STRA6: variants seen among roughly 807,000 people sequenced by gnomAD.
STRA6 encodes receptor for retinol uptake STRA6.
Under a neutral mutation model 83.6 loss-of-function variants are expected in STRA6, and 48 were observed. That is an observed-to-expected ratio of 0.57 (90% CI 0.46 to 0.73). STRA6 has a LOEUF of 0.73. STRA6 is among the 30% of genes least tolerant of loss of function. STRA6 has a pLI of 0.00. For synonymous variants in STRA6, 353 were observed against 362.3 expected (o/e 0.97, Z 0.29); for missense variants, 760 against 838.8 (o/e 0.91, Z 1.16).
intron 7 of STRA6, among the ~76,000 whole-genome samples, 174 bp from the exon 8 acceptor site, chr15:74,194,096 C>T (rs754907689): frequency 1.3e-5 from 2 of 152,164 alleles, no homozygotes; most frequent in Non-Finnish European, 2.9e-5. Flanking sequence ...TGCCCACTTC[C>T]CCTTCTCGAG....
intron 11 of STRA6, among the ~76,000 whole-genome samples, chr15:74,190,020 G>A (rs934868259): frequency 1.3e-5 from 2 of 152,104 alleles, no homozygotes; most frequent in South Asian, 2.1e-4. Context: ...TAGAGATAAC[G>A]AGGTATACTG....
At chr15:74,208,376 C>T (rs1202387273) in intron 1 of STRA6, among the ~76,000 whole-genome samples, 2 of 152,124 alleles carry the variant, frequency 1.3e-5, no homozygotes, top group Non-Finnish European at 2.9e-5. Flanking sequence ...CAGCACGTTC[C>T]TCCCTGGGCT....
upstream of STRA6, among the ~76,000 whole-genome samples, chr15:74,207,094 A>T (rs2074276542): frequency 6.6e-6 from 1 of 152,174 alleles, no homozygotes; most frequent in African/African-American, 2.4e-5. Flanking sequence ...CCTTCCTCTC[A>T]TGTTTTTGTT....
At chr15:74,202,903 C>T (rs1046189983), upstream of STRA6, 2 of 992,624 alleles carry the variant, frequency 2.0e-6, no homozygotes, top group African/African-American at 1.7e-5. Flanking sequence ...ACAAAGCCCC[C>T]CTCCTGGGGG....
chr15:74,180,300 G>T, intron 18 of STRA6, 57 bp from the exon 19 acceptor site: 1 of 1,607,880 alleles, frequency 6.2e-7, no homozygotes. Flanking sequence ...AACCCTCCCT[G>T]GCCCTCAGAC....
Position 74,180,837 on chromosome 15 carries a change from T to G in STRA6, c.1785A>C (p.Leu595=). The G allele has an allele frequency of 1.2e-6, 2 of 1,613,842 alleles. No homozygotes were observed. Among genetic ancestry groups the G allele is most frequent in the Non-Finnish European group, 1.7e-6 (2 of 1,179,904 alleles). Residue 595 remains leucine (L), a synonymous_variant, in exon 18 of 19, where the codon CTA becomes CTC. Coordinates refer to ENST00000395105, the MANE Select transcript of STRA6 (RefSeq NM_022369.4). Reference sequence around the variant, plus strand: ...CCTGGGGGGCTGCCATGGTCCTGGGTAGGAGGCTCTGCGCTTGCAGGAGCA... The same window carrying G: ...CCTGGGGGGCTGCCATGGTCCTGGGGAGGAGGCTCTGCGCTTGCAGGAGCA... The part of the protein sequence containing the change: ...CSLLLQAQSL[L]PRTMAAPQDS...
chr15:74,202,692 T>C, intron 1 of STRA6, 21 bp downstream of exon 1: 1 of 1,358,340 alleles, frequency 7.4e-7, no homozygotes, highest in South Asian at 2.0e-5. Flanking sequence ...CAAGCCCACC[T>C]AGACAGACCC....
intron 2 of STRA6, 123 bp from the exon 3 acceptor site, chr15:74,197,941 C>A: frequency 9.7e-7 from 1 of 1,031,112 alleles, no homozygotes; most frequent in Non-Finnish European, 1.5e-6. Context: ...CCCTCTGATC[C>A]CTCCTACACA....
chr15:74,199,913 T>G (rs894445001), intron 2 of STRA6, among the ~76,000 whole-genome samples: 2 of 152,104 alleles, frequency 1.3e-5, no homozygotes, highest in Non-Finnish European at 2.9e-5. Context: ...GGTATCTGAT[T>G]GGAGTTTAAA....
At chr15:74,210,203 C>T (rs2074347929), upstream of STRA6, among the ~76,000 whole-genome samples, 1 of 152,204 alleles carries the variant, frequency 6.6e-6, no homozygotes, top group African/African-American at 2.4e-5. Flanking sequence ...TTTAGGAATC[C>T]ATTCCCAAGG....
At chr15:74,194,821 AGTTCT>A in intron 7 of STRA6, 1 of 1,309,090 alleles carries the variant, frequency 7.6e-7, no homozygotes, top group South Asian at 2.9e-5. Context: ...TCACTCTTTG[AGTTCT>A]AGACTGGACA....
chr15:74,202,707 A>T lies in STRA6; in HGVS notation c.-16+6T>A, dbSNP rs1410914008. The T allele has an allele frequency of 1.5e-6, 2 of 1,310,438 alleles. No homozygotes were observed. Among genetic ancestry groups the T allele is most frequent in the African/African-American group, 3.0e-5 (2 of 66,534 alleles). The allele number at this position is 1,310,438 out of a possible 1,614,324, so 81.2% of individuals were successfully genotyped here. On this transcript the variant is annotated splice_donor_region_variant and intron_variant, in intron 1 of 18. Transcript: ENST00000395105. Reference sequence around the variant, plus strand: ...CAAGCCCACCTAGACAGACCCACAGACACACCAGAAGGGAGGCCCAGGGAG... The same window carrying T: ...CAAGCCCACCTAGACAGACCCACAGTCACACCAGAAGGGAGGCCCAGGGAG...
At chr15:74,195,945 TC>T (rs1251870330) in intron 5 of STRA6, 62 bp downstream of exon 5, 9 of 1,606,218 alleles carry the variant, frequency 5.6e-6, no homozygotes, top group Non-Finnish European at 7.6e-6. Flanking sequence ...AGCTTAAAAC[TC>T]CGAGACCCCA....
In STRA6 at chr15:74,181,446, A is replaced by G; in HGVS notation, c.1533T>C (p.Tyr511=). ...GGGGGAAGAGAAGAAAGGTGGCTGC[A>G]TAGAGCACTCGCCTAGGATGGGAGA... ...HPQLTNRRVL[Y]AATFLLFPLN... The change falls in exon 17 of 19, where the codon TAT becomes TAC. Residue 511 remains tyrosine, a synonymous_variant. Transcript: ENST00000395105. 3 of 1,613,886 alleles carry G rather than the reference A, an allele frequency of 1.9e-6. No individual in the cohort carries two copies. The highest frequency in any genetic ancestry group is 2.5e-6 in the Non-Finnish European group (3 of 1,179,918).
chr15:74,181,327 A>G lies in STRA6; in HGVS notation c.1652T>C (p.Leu551Pro). The G allele has an allele frequency of 1.3e-6, 2 of 1,597,958 alleles. No homozygotes were observed. The highest frequency in any genetic ancestry group is 1.7e-4 in the Middle Eastern group (1 of 6,030). The change falls in exon 17 of 19, where the codon CTG becomes CCG. Residue 551 changes from leucine to proline, a missense_variant. Leu to Pro is a moderately conservative substitution (Grantham distance 98). Coordinates refer to ENST00000395105, the MANE Select transcript of STRA6 (RefSeq NM_022369.4). ...GAGAGTGGCGGCTCTCGGTGGCAGC[A>G]GGCTGAGGTCCATCTGGCCAAGGTG... ...AIHLGQMDLS[L>P]LPPRAATLDP... is the part of the protein sequence containing the mutation.
chr15:74,187,246 A>C (rs2073299818), intron 12 of STRA6, among the ~76,000 whole-genome samples: 1 of 151,934 alleles, frequency 6.6e-6, no homozygotes, highest in African/African-American at 2.4e-5. Context: ...CTCTCCCTCC[A>C]CTGGTTCCCA....
rs575928531 is a variant in STRA6, at chr15:74,189,178, C to T, written c.1027G>A (p.Val343Met). ...VSYLLAGFGI[V>M]LSEDKQEVVE... ...ACCTCCTGCTTGTCCTCGGAGAGCA[C>T]GATTCCAAAGCCGGCCAGCAGGTAG... is the stretch of plus-strand genomic sequence containing the variant. Residue 343 changes from valine to methionine, a missense_variant, in exon 12 of 19, where the codon GTG (valine) becomes ATG (methionine). Val to Met is a conservative substitution (Grantham distance 21). Transcript: ENST00000395105. The T allele has an allele frequency of 2.0e-5, 32 of 1,614,096 alleles. No homozygotes were observed. Among genetic ancestry groups the T allele is most frequent in the Admixed American group, 5.0e-5 (3 of 60,022 alleles).
At chr15:74,193,600 T>A (rs1182428059) in intron 8 of STRA6, among the ~76,000 whole-genome samples, 200 bp downstream of exon 8, 1 of 152,204 alleles carries the variant, frequency 6.6e-6, no homozygotes, top group Non-Finnish European at 1.5e-5. Flanking sequence ...GCCGCGGGTA[T>A]CCTGGGTGCC....
upstream of STRA6, among the ~76,000 whole-genome samples, chr15:74,204,501 G>T (rs566228194): frequency 4.6e-5 from 7 of 152,334 alleles, no homozygotes; most frequent in South Asian, 1.4e-3. Context: ...AGGGGTCTCA[G>T]ACTGTTACCT....
Sources: allele counts gnomAD v4.1 joint callset (sites outside exome capture counted in the v4.1 genomes callset), GRCh38; gene constraint gnomAD v4.1.1; transcripts MANE v1.5; gene names NCBI Gene and HGNC (gene_info 2026-07-23, HGNC 2026-07-21).